Variants in CDON observed in about 807,000 individuals in gnomAD.
CDON encodes the protein cell adhesion molecule-related/down-regulated by oncogenes.
CDON carries 73 observed loss-of-function variants against 120.9 expected under a neutral mutation model. The ratio of observed to expected loss-of-function variants is 0.60; its 90% CI spans 0.50 to 0.73. CDON has a LOEUF of 0.73. Ranked by LOEUF, CDON falls within the 30% of genes least tolerant of loss-of-function variation. The probability of loss-of-function intolerance (pLI) is 0.00; values close to 1 mark genes in which losing one functional copy is unlikely to be tolerated. For missense variants in CDON, 1,470 were observed against 1,587.3 expected (o/e 0.93, Z 1.26); for synonymous variants, 566 against 573.5 (o/e 0.99, Z 0.19).
intron 2 of CDON, among the ~76,000 whole-genome samples, chr11:126,021,834 G>A (rs1481251270): frequency 3.9e-5 from 6 of 151,990 alleles, no homozygotes; most frequent in Admixed American, 6.6e-5. Flanking sequence ...CTGGGCCCTG[G>A]GGCCCCCGCC....
chr11:126,027,532 G>A (rs774992632), intron 1 of CDON, among the ~76,000 whole-genome samples: 2 of 152,154 alleles, frequency 1.3e-5, no homozygotes, highest in Non-Finnish European at 2.9e-5. Flanking sequence ...AAATGCATGT[G>A]TGTGTACTTA....
intron 11 of CDON, among the ~76,000 whole-genome samples, chr11:125,999,390 T>A (rs1219467110): frequency 1.3e-5 from 2 of 152,224 alleles, no homozygotes; most frequent in Non-Finnish European, 2.9e-5. Flanking sequence ...AGAAGCGGAC[T>A]TGGGTAGCAA....
chr11:125,983,429 G>C (rs1565503167), intron 16 of CDON, among the ~76,000 whole-genome samples: 1 of 152,130 alleles, frequency 6.6e-6, no homozygotes, highest in South Asian at 2.1e-4. Context: ...TATCCTCATC[G>C]GTGAAGTGTC....
At chr11:125,988,269 A>G (rs1017104527) in intron 15 of CDON, among the ~76,000 whole-genome samples, 12 of 152,198 alleles carry the variant, frequency 7.9e-5, no homozygotes, top group African/African-American at 2.9e-4. Flanking sequence ...GTCAGATATG[A>G]TAACACTTTA....
chr11:126,042,536 A>C (rs1433821509), intron 1 of CDON, among the ~76,000 whole-genome samples: 2 of 152,272 alleles, frequency 1.3e-5, no homozygotes, highest in South Asian at 2.1e-4. Flanking sequence ...GGTTTATGAG[A>C]TTATTCAAAG....
Position 126,033,580 on chromosome 11 carries a change from G to T in CDON, c.-61-10043C>A, listed in dbSNP as rs192148971. 2.0e-4 allele frequency among the ~76,000 whole-genome samples: 31 copies of T among 152,314 alleles called. No individual in the cohort carries two copies. In the East Asian group the frequency reaches 4.2e-3, roughly 21 times the overall value. ...AGTCAAACAGTCAGACTTTAAAAAT[G>T]AGTTTCTTAATGTGATTTAATTTCA... On this transcript the variant is annotated intron_variant, in intron 1 of 19. Transcript: ENST00000531738.
At chr11:125,973,676 C>T (rs2134403646) in intron 18 of CDON, among the ~76,000 whole-genome samples, 1 of 152,276 alleles carries the variant, frequency 6.6e-6, no homozygotes. Context: ...TCTTTAAGTT[C>T]TTTGAGGATT....
At chr11:126,033,266 G>A (rs777502506) in intron 1 of CDON, among the ~76,000 whole-genome samples, 13 of 152,242 alleles carry the variant, frequency 8.5e-5, no homozygotes, top group South Asian at 4.1e-4. Context: ...AATGGAGAGC[G>A]TCTGAAGGTG....
At position 126,019,772 on chromosome 11, in the gene CDON, T is replaced by C; in HGVS notation, c.350-7A>G. ...GAACCAAAATCACCAAGAACTGAAATATATAAGGAAACAGATAAATAAATA... is the reference window on the plus strand; with the variant it reads ...GAACCAAAATCACCAAGAACTGAAACATATAAGGAAACAGATAAATAAATA... On this transcript the variant is annotated splice_polypyrimidine_tract_variant and splice_region_variant and intron_variant, in intron 3 of 19. Coordinates refer to ENST00000531738, the MANE Select transcript of CDON (RefSeq NM_001378964.1). 6.2e-7 allele frequency: 1 copy of C among 1,608,026 alleles called. No individual in the cohort carries two copies. The highest frequency in any genetic ancestry group is 8.5e-7 in the Non-Finnish European group (1 of 1,174,998).
intron 1 of CDON, among the ~76,000 whole-genome samples, chr11:126,053,410 T>C (rs1261872905): frequency 6.6e-6 from 1 of 152,216 alleles, no homozygotes; most frequent in Non-Finnish European, 1.5e-5. Flanking sequence ...GATAATGAGC[T>C]GTCGTTATAT....
intron 18 of CDON, among the ~76,000 whole-genome samples, chr11:125,962,638 GTTTTCT>G (rs1945675847): frequency 6.6e-6 from 1 of 152,132 alleles, no homozygotes; most frequent in Admixed American, 6.6e-5. Flanking sequence ...TACAATGTGT[GTTTTCT>G]TTAATTTTTT....
intron 17 of CDON, among the ~76,000 whole-genome samples, chr11:125,978,654 G>A (rs1490332466): frequency 6.6e-6 from 1 of 152,146 alleles, no homozygotes; most frequent in Non-Finnish European, 1.5e-5. Context: ...CTAGACAAAG[G>A]TAAATAAATG....
At chr11:126,060,815 T>C (rs1298769429) in intron 1 of CDON, among the ~76,000 whole-genome samples, 1 of 152,206 alleles carries the variant, frequency 6.6e-6, no homozygotes, top group Non-Finnish European at 1.5e-5. Context: ...AAAGTGAACT[T>C]AATTCTTTTC....
intron 18 of CDON, among the ~76,000 whole-genome samples, chr11:125,971,140 T>C (rs943213596): frequency 3.3e-5 from 5 of 152,104 alleles, no homozygotes; most frequent in African/African-American, 4.8e-5. Flanking sequence ...TCCCAGTACT[T>C]TGGGGGGCCA....
intron 14 of CDON, among the ~76,000 whole-genome samples, chr11:125,990,710 A>G (rs1330979161): frequency 1.3e-5 from 2 of 152,230 alleles, no homozygotes; most frequent in East Asian, 3.8e-4. Flanking sequence ...TTGGCTGAAC[A>G]GGACCAATAT....
At chr11:126,017,811 C>T (rs1400425876) in intron 5 of CDON, among the ~76,000 whole-genome samples, 1 of 151,888 alleles carries the variant, frequency 6.6e-6, no homozygotes, top group Non-Finnish European at 1.5e-5. Context: ...AAATTCTCCA[C>T]ATGTATTCAC....
chr11:125,993,366 GTCTC>G (rs1057140856), intron 14 of CDON, among the ~76,000 whole-genome samples: 19 of 145,510 alleles, frequency 1.3e-4, no homozygotes, highest in African/African-American at 4.6e-4. Context: ...CACAGTCTCT[GTCTC>G]TCACACACAC....
chr11:125,984,081 G>A lies in CDON; in HGVS notation c.2786C>T (p.Pro929Leu), dbSNP rs1300177305. The change falls in exon 16 of 20, where the codon CCT becomes CTT. Residue 929 changes from proline to leucine, a missense_variant. Coordinates refer to ENST00000531738, the MANE Select transcript of CDON (RefSeq NM_001378964.1). Reference sequence around the variant, plus strand: ...TTTGACAGGATATTCAGAAGCTCCAGGAACACGTTTCACTAGTTGAAATAT... The same window carrying A: ...TTTGACAGGATATTCAGAAGCTCCAAGAACACGTTTCACTAGTTGAAATAT... ...MICETKVKRV[P>L]GASEYPVKDL... 6.2e-7 allele frequency: 1 copy of A among 1,610,266 alleles called. No individual in the cohort carries two copies. Among genetic ancestry groups the A allele is most frequent in the Non-Finnish European group, 8.5e-7 (1 of 1,176,606 alleles).
At chr11:125,997,624 T>C (rs1159408100) in intron 11 of CDON, among the ~76,000 whole-genome samples, 1 of 152,228 alleles carries the variant, frequency 6.6e-6, no homozygotes. Context: ...ATCTATAAAT[T>C]TGATAATTAG....
Sources: gnomAD v4.1 joint callset for allele counts (sites outside exome capture counted in the v4.1 genomes callset) on GRCh38, gnomAD v4.1.1 for gene constraint, MANE v1.5 for transcripts, NCBI Gene and HGNC (gene_info 2026-07-23, HGNC 2026-07-21) for gene names.